Variants in SLC24A2 observed in about 807,000 individuals in gnomAD.
The protein encoded by SLC24A2 is sodium/potassium/calcium exchanger 2.
A neutral mutation model predicts 62.0 loss-of-function variants in SLC24A2; 36 were observed. That is an observed-to-expected ratio of 0.58 (90% CI 0.44 to 0.77). SLC24A2 has a LOEUF of 0.77. Among genes scored for constraint, SLC24A2 ranks in the 30% least tolerant of loss-of-function variants. The probability of loss-of-function intolerance (pLI) is 0.00; values close to 1 mark genes in which losing one functional copy is unlikely to be tolerated. For missense variants in SLC24A2, 846 were observed against 817.9 expected (o/e 1.03, Z -0.42); for synonymous variants, 358 against 294.0 (o/e 1.22, Z -2.23).
At chr9:19,889,990 T>C in the SLC24A2 span, among the ~76,000 whole-genome samples, 2 of 151,866 alleles carry the variant, frequency 1.3e-5, no homozygotes, top group Non-Finnish European at 2.9e-5. Context: ...TTTTGATCCA[T>C]ACTTCTCTTT....
chr9:19,535,846 G>T (rs1157651777), intron 8 of SLC24A2, among the ~76,000 whole-genome samples: 2 of 152,100 alleles, frequency 1.3e-5, no homozygotes, highest in Non-Finnish European at 2.9e-5. Context: ...GGTTCCATAT[G>T]AACTTTAAAG....
the SLC24A2 span, among the ~76,000 whole-genome samples, chr9:20,292,718 T>C: frequency 6.6e-6 from 1 of 152,198 alleles, no homozygotes; most frequent in Non-Finnish European, 1.5e-5. Flanking sequence ...ATCCTTTCAC[T>C]TCACTGGGCC....
the SLC24A2 span, among the ~76,000 whole-genome samples, chr9:19,846,515 A>G: frequency 6.6e-6 from 1 of 152,192 alleles, no homozygotes; most frequent in Non-Finnish European, 1.5e-5. Flanking sequence ...TGAAGACAGC[A>G]GATGAATGGG....
the SLC24A2 span, among the ~76,000 whole-genome samples, chr9:20,051,657 C>CTTTTTTTTCTTTTTTTTTT: frequency 1.4e-5 from 1 of 73,514 alleles, no homozygotes; most frequent in African/African-American, 6.1e-5. Flanking sequence ...TTTTCTTTCT[C>CTTTTTTTTCTTTTTTTTTT]TTTTTTTTTT....
At chr9:19,547,470 T>G (rs2132733751) in intron 8 of SLC24A2, among the ~76,000 whole-genome samples, 1 of 152,278 alleles carries the variant, frequency 6.6e-6, no homozygotes, top group East Asian at 1.9e-4. Context: ...TTTTTGTTGG[T>G]TTTCCAAAAG....
the SLC24A2 span, among the ~76,000 whole-genome samples, chr9:20,261,276 C>T: frequency 6.6e-6 from 1 of 152,034 alleles, no homozygotes; most frequent in African/African-American, 2.4e-5. Flanking sequence ...TGACAGACTT[C>T]ATAATTTAAA....
chr9:20,087,496 T>C, the SLC24A2 span, among the ~76,000 whole-genome samples: 5 of 152,316 alleles, frequency 3.3e-5, no homozygotes, highest in East Asian at 9.6e-4. Flanking sequence ...TGTGTAAATC[T>C]GCTCTCAAAG....
At chr9:19,911,170 T>C in the SLC24A2 span, among the ~76,000 whole-genome samples, 1 of 150,156 alleles carries the variant, frequency 6.7e-6, no homozygotes, top group Admixed American at 6.7e-5. Context: ...ATGCGGTGTT[T>C]AGTTTTTTGT....
At chr9:20,272,740 G>T in the SLC24A2 span, among the ~76,000 whole-genome samples, 8 of 152,156 alleles carry the variant, frequency 5.3e-5, no homozygotes, top group Non-Finnish European at 8.8e-5. Context: ...TCCAGTCAAG[G>T]TTCCTTTGGT....
At chr9:20,140,398 T>A in the SLC24A2 span, among the ~76,000 whole-genome samples, 1 of 152,156 alleles carries the variant, frequency 6.6e-6, no homozygotes, top group Non-Finnish European at 1.5e-5. Flanking sequence ...CTGCTGCAGT[T>A]GGTGTGCCAT....
chr9:19,555,667 G>C (rs1443125656), intron 7 of SLC24A2, among the ~76,000 whole-genome samples: 1 of 152,194 alleles, frequency 6.6e-6, no homozygotes, highest in East Asian at 1.9e-4. Flanking sequence ...CTTGAGAGTT[G>C]GGCTTGGTGG....
the SLC24A2 span, among the ~76,000 whole-genome samples, chr9:19,868,449 G>A: frequency 7.2e-5 from 11 of 152,258 alleles, no homozygotes; most frequent in Non-Finnish European, 1.5e-4. Flanking sequence ...GAAAGAATTT[G>A]CCTTCTGCAG....
chr9:20,165,011 C>T, the SLC24A2 span, among the ~76,000 whole-genome samples: 1 of 147,594 alleles, frequency 6.8e-6, no homozygotes, highest in Admixed American at 6.7e-5. Flanking sequence ...GGAGGGATAG[C>T]TTTAGGAGAT....
the SLC24A2 span, among the ~76,000 whole-genome samples, chr9:19,843,936 C>A: frequency 6.6e-6 from 1 of 152,140 alleles, no homozygotes; most frequent in Non-Finnish European, 1.5e-5. Flanking sequence ...TGGTGGGCAT[C>A]TAGGTTGAAT....
intron 2 of SLC24A2, among the ~76,000 whole-genome samples, chr9:19,653,526 C>A (rs1189971743): frequency 1.3e-5 from 2 of 152,186 alleles, no homozygotes; most frequent in Admixed American, 6.6e-5. Context: ...GATCAATAGT[C>A]TTCATTCCAA....
At chr9:19,777,271 CA>C (rs1822872976) in intron 2 of SLC24A2, among the ~76,000 whole-genome samples, 1 of 152,072 alleles carries the variant, frequency 6.6e-6, no homozygotes, top group Non-Finnish European at 1.5e-5. Context: ...CCCAGACTCC[CA>C]AATAAAGCAA....
chr9:19,922,751 T>A, the SLC24A2 span, among the ~76,000 whole-genome samples: 1 of 152,116 alleles, frequency 6.6e-6, no homozygotes, highest in Non-Finnish European at 1.5e-5. Flanking sequence ...CCTTCTGGGA[T>A]TCATTCCTAG....
chr9:19,804,033 T>C, the SLC24A2 span, among the ~76,000 whole-genome samples: 2 of 152,276 alleles, frequency 1.3e-5, no homozygotes, highest in Non-Finnish European at 2.9e-5. Flanking sequence ...CATCTTCCGA[T>C]GTTGTGGAAA....
chr9:19,517,931 AC>A (rs1197139411), intron 10 of SLC24A2, among the ~76,000 whole-genome samples: 15 of 146,846 alleles, frequency 1.0e-4, no homozygotes, highest in Non-Finnish European at 1.9e-4. Flanking sequence ...ACACACACAC[AC>A]ACACACACAC....
Sources: gnomAD v4.1 joint callset for allele counts (sites outside exome capture counted in the v4.1 genomes callset) on GRCh38, gnomAD v4.1.1 for gene constraint, MANE v1.5 for transcripts, NCBI Gene and HGNC (gene_info 2026-07-23, HGNC 2026-07-21) for gene names.